PIGS: variants seen among roughly 807,000 people sequenced by gnomAD.
PIGS encodes GPI-anchor transamidase component PIGS.
In PIGS, 37 loss-of-function variants were observed where a neutral mutation model predicts 58.2. That is an observed-to-expected ratio of 0.64 (90% confidence interval 0.49 to 0.84). The LOEUF is 0.84. Ranked by LOEUF, PIGS falls within the 40% of genes least tolerant of loss-of-function variation. The pLI, the probability that PIGS is intolerant of heterozygous loss-of-function variation, is 0.00. For missense variants in PIGS, 629 were observed against 710.8 expected (o/e 0.88, Z 1.31); for synonymous variants, 269 against 289.2 (o/e 0.93, Z 0.71).
In PIGS at chr17:28,555,068, G is replaced by A. The variant is rs777546117; in HGVS notation, c.1182-7C>T. ...AGCAATCCCAAAGAGCAACCTGTAG[G>A]AACATCGGAGTAAGATCAAGGTGGC... On this transcript the variant is annotated splice_region_variant and splice_polypyrimidine_tract_variant and intron_variant, in intron 10 of 11. Coordinates refer to ENST00000308360, the MANE Select transcript of PIGS (RefSeq NM_033198.4). 1.9e-6 allele frequency: 3 copies of A among 1,608,512 alleles called. No individual in the cohort carries two copies. In the East Asian group the frequency reaches 6.7e-5, roughly 36 times the overall value.
chr17:28,563,446 G>C lies in PIGS; in HGVS notation c.453C>G (p.Ser151=). Residue 151 remains serine (S), a synonymous_variant, in exon 5 of 12, where the codon TCC becomes TCG. Coordinates refer to ENST00000308360, the MANE Select transcript of PIGS (RefSeq NM_033198.4). ...SLTVYVISEH[S]SLLPQDMMSY... ...GTTACCTTACCTGGGGAAGAAGTGA[G>C]GAGTGTTCAGATATCACGTACACAG... 1 of 1,614,088 alleles carries C rather than the reference G, an allele frequency of 6.2e-7. No individual in the cohort carries two copies. Among genetic ancestry groups the C allele is most frequent in the East Asian group, 2.2e-5 (1 of 44,872 alleles).
chr17:28,556,057 C>G, intron 10 of PIGS, 109 bp downstream of exon 10: 1 of 1,007,352 alleles, frequency 9.9e-7, no homozygotes, highest in Non-Finnish European at 1.5e-6. Flanking sequence ...TTCCCTGGGG[C>G]TCTAGGCACA....
chr17:28,567,583 A>G (rs186563018), intron 3 of PIGS, among the ~76,000 whole-genome samples: 3 of 152,380 alleles, frequency 2.0e-5, no homozygotes, highest in Admixed American at 6.5e-5. Context: ...ATCTAAATAC[A>G]GACTGAGAAT....
intron 11 of PIGS, 90 bp from the exon 12 acceptor site, chr17:28,554,585 A>G (rs1346916561): frequency 7.0e-7 from 1 of 1,438,322 alleles, no homozygotes; most frequent in Admixed American, 1.8e-5. Context: ...TCCATCTACC[A>G]AGGAAGATGC....
intron 10 of PIGS, chr17:28,555,312 TA>T (rs1567614245): frequency 2.9e-5 from 14 of 480,874 alleles, no homozygotes; most frequent in Non-Finnish European, 4.4e-5. Context: ...TCTTGTTTTT[TA>T]AAAAAAGGTT....
rs1033768608 is a variant in PIGS at position 28,570,801 on chromosome 17, C to T, written c.286+51G>A. The T allele has an allele frequency of 3.8e-6, 6 of 1,588,816 alleles. No homozygotes were observed. In the African/African-American group the frequency reaches 8.1e-5, roughly 21 times the overall value. ...CCCCCGCTCCTCCCACCCAACTCAG[C>T]TCTGAACTGAGCTCAGAGGCGAAAA... On this transcript the variant is annotated intron_variant, in intron 3 of 11. Transcript: ENST00000308360.
At chr17:28,556,572 C>A in intron 9 of PIGS, 1 of 710,480 alleles carries the variant, frequency 1.4e-6, no homozygotes, top group Non-Finnish European at 2.5e-6. Flanking sequence ...ACAAATAAGG[C>A]GAAGATCTAA....
In PIGS at chr17:28,556,953, C is replaced by A. The variant is rs781656408; in HGVS notation, c.954G>T (p.Leu318Phe). 6 of 1,614,104 alleles carry A rather than the reference C, an allele frequency of 3.7e-6. No homozygotes were observed. In the Admixed American group the frequency reaches 6.7e-5, roughly 18 times the overall value. The change falls in exon 9 of 12, where the codon TTG becomes TTT. Residue 318 changes from leucine to phenylalanine, a missense_variant. Coordinates refer to ENST00000308360, the MANE Select transcript of PIGS (RefSeq NM_033198.4). Reference protein sequence around the residue: ...ESRLGSSAASLYPVLNFLLYV... With the variant: ...ESRLGSSAASFYPVLNFLLYV... ...AGAGTAGAAAGTTGAGCACAGGGTA[C>A]AAGGAGGCAGCACTGGATCCTGTGG... is the stretch of plus-strand genomic sequence containing the variant.
At chr17:28,562,417 T>C (rs1160911451) in intron 5 of PIGS, among the ~76,000 whole-genome samples, 1 of 152,182 alleles carries the variant, frequency 6.6e-6, no homozygotes, top group Non-Finnish European at 1.5e-5. Context: ...AGTGCTTTTA[T>C]AAAAATTAAA....
At position 28,570,847 on chromosome 17, in the gene PIGS, C is replaced by T. The variant is rs1322256243; in HGVS notation, c.286+5G>A. ...GAAAAGCAGCCCTGATCCCCAGTAA[C>T]TCACATTTCAGAGGAATCTCTCTTT... On this transcript the variant is annotated splice_donor_5th_base_variant and intron_variant, in intron 3 of 11. Transcript: ENST00000308360. 3 of 1,614,102 alleles carry T rather than the reference C, an allele frequency of 1.9e-6. No homozygotes were observed. The South Asian group carries it at 3.3e-5, about 18-fold the overall frequency.
chr17:28,556,295 A>G (rs631905), intron 9 of PIGS, 29 bp from the exon 10 acceptor site: 550,782 of 1,513,626 alleles, frequency 0.36, 109,176 homozygotes, highest in African/African-American at 0.82. Context: ...TTGCCACAAC[A>G]TCATACCAGG....
chr17:28,563,224 C>T (rs370456400), intron 5 of PIGS, among the ~76,000 whole-genome samples: 3 of 151,582 alleles, frequency 2.0e-5, no homozygotes, highest in Non-Finnish European at 2.9e-5. Flanking sequence ...ACCCGGGAGG[C>T]GGAGGCTGCA....
In PIGS at chr17:28,563,536, C is replaced by G. The variant is rs2070377466; in HGVS notation, c.377-14G>C. The G allele has an allele frequency of 6.2e-7, 1 of 1,610,690 alleles. No individual in the cohort carries two copies. Among genetic ancestry groups the G allele is most frequent in the African/African-American group, 1.3e-5 (1 of 74,930 alleles). Reference sequence around the variant, plus strand: ...TGGCTTCTGCCTCTGGGGGCAAGAACAGGTGGTACACCAAGAGCAAAACAC... The same window carrying G: ...TGGCTTCTGCCTCTGGGGGCAAGAAGAGGTGGTACACCAAGAGCAAAACAC... On this transcript the variant is annotated splice_polypyrimidine_tract_variant and intron_variant, in intron 4 of 11. Coordinates refer to ENST00000308360, the MANE Select transcript of PIGS (RefSeq NM_033198.4).
Position 28,570,928 on chromosome 17 carries a change from C to T in PIGS, c.210G>A (p.Thr70=), listed in dbSNP as rs750910026. The T allele has an allele frequency of 6.2e-7, 1 of 1,614,196 alleles. No homozygotes were observed. The highest frequency in any genetic ancestry group is 2.2e-5 in the East Asian group (1 of 44,890). The stretch of plus-strand genomic sequence containing the variant: ...GGTCGTCCAGGGGCACTGACTCCCG[C>T]GTAAACACGACAGTGACAGGCACCA... ...RLMVPVTVVF[T]RESVPLDDQE... The change falls in exon 3 of 12, where the codon ACG becomes ACA. Residue 70 remains threonine (T), a synonymous_variant. Coordinates refer to ENST00000308360, the MANE Select transcript of PIGS (RefSeq NM_033198.4).
intron 10 of PIGS, chr17:28,555,420 T>A (rs2070320755): frequency 3.7e-6 from 1 of 268,784 alleles, no homozygotes; most frequent in Middle Eastern, 1.3e-3. Context: ...GACTTAGCAT[T>A]AAGGGATGAT....
chr17:28,554,828 G>A (rs746562871), intron 11 of PIGS, 23 bp downstream of exon 11: 1 of 1,613,396 alleles, frequency 6.2e-7, no homozygotes, highest in Non-Finnish European at 8.5e-7. Context: ...CCAAGCTGCA[G>A]AATCCATCCC....
intron 4 of PIGS, 109 bp from the exon 5 acceptor site, chr17:28,563,631 G>A (rs1049795419): frequency 1.6e-6 from 2 of 1,250,678 alleles, no homozygotes; most frequent in Non-Finnish European, 2.3e-6. Context: ...TGACACAGTG[G>A]TCAGGCTTGG....
At chr17:28,561,281 T>C in intron 6 of PIGS, 141 bp downstream of exon 6, 2 of 501,414 alleles carry the variant, frequency 4.0e-6, no homozygotes, top group Non-Finnish European at 5.9e-6. Flanking sequence ...AAAAAAATAA[T>C]AATAATAATA....
Position 28,558,347 on chromosome 17 carries a change from G to A in PIGS, c.934+129C>T, listed in dbSNP as rs115609029. 1.5e-3 allele frequency: 1,158 copies of A among 763,600 alleles called. 5 individuals are homozygous for A. The African/African-American group carries it at 0.018, about 12-fold the overall frequency. The allele number at this position is 763,600 out of a possible 1,614,324, so 47.3% of individuals were successfully genotyped here. The stretch of plus-strand genomic sequence containing the variant: ...GAGCCTCAATCTCCACAGTCTCCTC[G>A]GACCAACCCAACCTGGGAACCATCA... On this transcript the variant is annotated intron_variant, in intron 8 of 11. Coordinates refer to ENST00000308360, the MANE Select transcript of PIGS (RefSeq NM_033198.4).
Sources: gnomAD v4.1 joint callset for allele counts (sites outside exome capture counted in the v4.1 genomes callset) on GRCh38, gnomAD v4.1.1 for gene constraint, MANE v1.5 for transcripts, NCBI Gene and HGNC (gene_info 2026-07-23, HGNC 2026-07-21) for gene names.